Variants in PRCP observed in about 807,000 individuals in gnomAD.
PRCP encodes lysosomal Pro-X carboxypeptidase.
A neutral mutation model predicts 54.2 loss-of-function variants in PRCP; 46 were observed. The observed-to-expected ratio is 0.85, with a 90% CI of 0.67 to 1.09. The LOEUF is 1.09. PRCP is among the 50% of genes least tolerant of loss of function. The probability of loss-of-function intolerance (pLI) is 0.00; values close to 1 mark genes in which losing one functional copy is unlikely to be tolerated. For missense variants in PRCP, 613 were observed against 596.8 expected (o/e 1.03, Z -0.28); for synonymous variants, 240 against 212.2 (o/e 1.13, Z -1.14).
At chr11:82,851,657 T>C (rs1858959236) in intron 3 of PRCP, among the ~76,000 whole-genome samples, 1 of 152,024 alleles carries the variant, frequency 6.6e-6, no homozygotes, top group African/African-American at 2.4e-5. Context: ...ATTGCTGTTT[T>C]AAGCCATAAG....
chr11:82,859,555 G>C (rs558667665), intron 2 of PRCP, among the ~76,000 whole-genome samples: 1 of 151,954 alleles, frequency 6.6e-6, no homozygotes, highest in Non-Finnish European at 1.5e-5. Flanking sequence ...ATTCTTATCC[G>C]TTTCCCTTAT....
intron 1 of PRCP, among the ~76,000 whole-genome samples, chr11:82,889,199 T>A (rs1316568379): frequency 3.4e-4 from 52 of 151,070 alleles, no homozygotes; most frequent in African/African-American, 5.8e-4. Flanking sequence ...ATTTCTTTTT[T>A]TTAAAAAAAA....
intron 1 of PRCP, among the ~76,000 whole-genome samples, chr11:82,879,414 T>C (rs148709175): frequency 0.027 from 4,171 of 152,320 alleles, 182 homozygotes; most frequent in African/African-American, 0.094. Context: ...CTGTTTATTC[T>C]AGTTAGCCAT....
chr11:82,866,710 T>C (rs958999572), intron 1 of PRCP, among the ~76,000 whole-genome samples: 2 of 151,952 alleles, frequency 1.3e-5, no homozygotes, highest in Admixed American at 6.6e-5. Flanking sequence ...AGATACTTTA[T>C]AGATAATTGT....
intron 1 of PRCP, among the ~76,000 whole-genome samples, chr11:82,896,631 A>T (rs1214109366): frequency 1.4e-5 from 2 of 143,924 alleles, no homozygotes; most frequent in African/African-American, 5.2e-5. Flanking sequence ...GTGAGCCGAG[A>T]TCTCACCACT....
chr11:82,863,111 T>G (rs1007494557), intron 1 of PRCP, among the ~76,000 whole-genome samples: 2 of 152,180 alleles, frequency 1.3e-5, no homozygotes, highest in East Asian at 3.9e-4. Context: ...GCAATCCCCT[T>G]GGCTGAATCC....
intron 6 of PRCP, among the ~76,000 whole-genome samples, chr11:82,842,100 G>A (rs1405676908): frequency 6.6e-6 from 1 of 152,152 alleles, no homozygotes; most frequent in Non-Finnish European, 1.5e-5. Flanking sequence ...CCAAAACTCT[G>A]GAAAAGAACA....
intron 1 of PRCP, among the ~76,000 whole-genome samples, chr11:82,874,323 T>G (rs1193426931): frequency 6.6e-6 from 1 of 152,180 alleles, no homozygotes; most frequent in Non-Finnish European, 1.5e-5. Flanking sequence ...CGCACAGGGC[T>G]TATAGTCTGG....
intron 2 of PRCP, among the ~76,000 whole-genome samples, chr11:82,855,863 G>A (rs867558802): frequency 1.3e-5 from 2 of 152,162 alleles, no homozygotes; most frequent in Admixed American, 6.5e-5. Flanking sequence ...ACAGATGTTG[G>A]TGAGGTTGTG....
At chr11:82,888,710 G>C (rs1460152839) in intron 1 of PRCP, among the ~76,000 whole-genome samples, 1 of 152,202 alleles carries the variant, frequency 6.6e-6, no homozygotes, top group African/African-American at 2.4e-5. Context: ...AGGTAGGTCT[G>C]TCTTTATCTG....
chr11:82,843,464 A>G (rs552005987), intron 6 of PRCP, among the ~76,000 whole-genome samples: 1 of 152,376 alleles, frequency 6.6e-6, no homozygotes, highest in South Asian at 2.1e-4. Flanking sequence ...ATTTTGTCTT[A>G]ACCTCATATA....
At chr11:82,857,034 C>A (rs1295109965) in intron 2 of PRCP, among the ~76,000 whole-genome samples, 871 of 118,874 alleles carry the variant, frequency 7.3e-3, no homozygotes, top group South Asian at 8.7e-3. Flanking sequence ...GCCTCTGTCT[C>A]AAAAAAAAAA....
intron 1 of PRCP, among the ~76,000 whole-genome samples, chr11:82,890,890 G>C (rs1333622443): frequency 6.6e-6 from 1 of 152,170 alleles, no homozygotes; most frequent in African/African-American, 2.4e-5. Context: ...TCCTCCAACT[G>C]TTCCTTCTCA....
intron 8 of PRCP, among the ~76,000 whole-genome samples, chr11:82,832,582 T>C (rs1858415465): frequency 6.6e-6 from 1 of 152,244 alleles, no homozygotes; most frequent in South Asian, 2.1e-4. Flanking sequence ...TTGTTTAAGT[T>C]CCTTGTAGAT....
chr11:82,891,235 A>G (rs1860002747), intron 1 of PRCP, among the ~76,000 whole-genome samples: 1 of 152,072 alleles, frequency 6.6e-6, no homozygotes, highest in African/African-American at 2.4e-5. Flanking sequence ...TCAATTCTTT[A>G]TCTCACAACC....
chr11:82,847,423 T>G (rs936461936), intron 6 of PRCP, among the ~76,000 whole-genome samples: 3 of 152,220 alleles, frequency 2.0e-5, no homozygotes, highest in Non-Finnish European at 4.4e-5. Context: ...CCATAAATCT[T>G]GGATTATACC....
At chr11:82,857,003 C>T (rs749293135) in intron 2 of PRCP, among the ~76,000 whole-genome samples, 1 of 144,322 alleles carries the variant, frequency 6.9e-6, no homozygotes, top group Non-Finnish European at 1.5e-5. Context: ...CCACTGCACT[C>T]CAGCCTGGGC....
intron 6 of PRCP, among the ~76,000 whole-genome samples, chr11:82,845,426 A>G (rs774936167): frequency 6.6e-5 from 10 of 152,182 alleles, no homozygotes; most frequent in African/African-American, 2.4e-4. Context: ...CTCTCAGAGC[A>G]TGGTCCATCC....
chr11:82,828,482 C>G (rs1259531927), intron 8 of PRCP: 1 of 152,152 alleles, frequency 6.6e-6, no homozygotes, highest in Non-Finnish European at 1.5e-5. Flanking sequence ...GATCACTTTC[C>G]CCTTGAATGG....
Sources: gnomAD v4.1 joint callset for allele counts (sites outside exome capture counted in the v4.1 genomes callset) on GRCh38, gnomAD v4.1.1 for gene constraint, MANE v1.5 for transcripts, NCBI Gene and HGNC (gene_info 2026-07-23, HGNC 2026-07-21) for gene names.